The following LINGO2 variants were observed in gnomAD, a reference collection of about 807,000 sequenced individuals.
LINGO2 encodes leucine rich repeat and Ig domain containing 2, also known as leucine-rich repeat and immunoglobulin-like domain-containing nogo receptor-interacting protein 2.
Under a neutral mutation model 30.6 loss-of-function variants are expected in LINGO2, and 14 were observed. The ratio of observed to expected loss-of-function variants is 0.46; its 90% confidence interval spans 0.30 to 0.72. The LOEUF (loss-of-function observed/expected upper bound fraction) is 0.72. Ranked by LOEUF, LINGO2 falls within the 30% of genes least tolerant of loss-of-function variation. The pLI is 0.07. For synonymous variants in LINGO2, 317 were observed against 288.5 expected (o/e 1.10, Z -1.00); for missense variants, 729 against 751.7 (o/e 0.97, Z 0.35).
At chr9:28,441,251 CTTTTTTTTTTTTTTTTTTTTTT>C (rs72213590) in intron 2 of LINGO2, among the ~76,000 whole-genome samples, 76 of 36,288 alleles carry the variant, frequency 2.1e-3, no homozygotes, top group East Asian at 0.014. Flanking sequence ...TCATTGGAGG[CTTTTTTTTTTTTTTTTTTTTTT>C]TTTTTTTTTT....
At position 28,167,144 on chromosome 9, in the gene LINGO2, C is replaced by A. The variant is rs1024743755; in HGVS notation, c.-87+128064G>T. On this transcript the variant is annotated intron_variant, in intron 4 of 5. Coordinates refer to ENST00000379992, the Ensembl canonical transcript of LINGO2. ...GAGCTTTTACTTAATATAGCACCCC[C>A]CCCCCCCACTTTTCTTTTCTCCAGC... 1.3e-4 allele frequency among the ~76,000 whole-genome samples: 18 copies of A among 140,464 alleles called. 1 individual carries two copies. Among genetic ancestry groups the A allele is most frequent in the Middle Eastern group, 3.8e-3 (1 of 266 alleles). 92.1% of individuals were successfully genotyped at this position (140,464 alleles called of 152,430 possible).
At position 28,154,819 on chromosome 9, in the gene LINGO2, A is replaced by G. The variant is rs997656267; in HGVS notation, c.-87+140389T>C. Reference sequence around the variant, plus strand: ...ACAATGTCAGGTTAGAATGAGATACAGTTTTTCTTGAATGAAGACATCTTT... The same window carrying G: ...ACAATGTCAGGTTAGAATGAGATACGGTTTTTCTTGAATGAAGACATCTTT... On this transcript the variant is annotated intron_variant, in intron 4 of 5. Transcript: ENST00000379992. Among the ~76,000 whole-genome samples, 7 of 152,204 alleles carry G rather than the reference A, an allele frequency of 4.6e-5. No individual in the cohort carries two copies. The South Asian group carries it at 1.5e-3, about 32-fold the overall frequency.
At chr9:28,940,313 A>G in the LINGO2 span, among the ~76,000 whole-genome samples, 3 of 152,146 alleles carry the variant, frequency 2.0e-5, no homozygotes, top group African/African-American at 7.2e-5. Flanking sequence ...AAAAATGCCT[A>G]CTTGTGCTCC....
rs73445529 is a variant in LINGO2, at chr9:28,645,355, A to G, written c.-365+24845T>C. ...GTCATCATTTAATTTAGAATAAAGA[A>G]AATGTTATGAAGTGCCTTTATCCTG... is the stretch of plus-strand genomic sequence containing the variant. On this transcript the variant is annotated intron_variant, in intron 1 of 5. Coordinates refer to ENST00000379992, the Ensembl canonical transcript of LINGO2. Among the ~76,000 whole-genome samples, 479 of 152,252 alleles carry G rather than the reference A, an allele frequency of 3.1e-3. 4 individuals carry two copies. Among genetic ancestry groups the G allele is most frequent in the African/African-American group, 0.011 (447 of 41,554 alleles).
the LINGO2 span, among the ~76,000 whole-genome samples, chr9:28,839,754 C>T: frequency 5.3e-5 from 8 of 152,256 alleles, no homozygotes; most frequent in Non-Finnish European, 7.4e-5. Context: ...CGTGGCAGTC[C>T]GCCCCCAAGG....
chr9:28,423,210 TA>T (rs1449641638), intron 2 of LINGO2, among the ~76,000 whole-genome samples: 1 of 151,954 alleles, frequency 6.6e-6, no homozygotes, highest in African/African-American at 2.4e-5. Flanking sequence ...CACAATTTTT[TA>T]AAAAGTTTCC....
the LINGO2 span, among the ~76,000 whole-genome samples, chr9:28,895,434 C>G: frequency 6.6e-6 from 1 of 152,108 alleles, no homozygotes; most frequent in Non-Finnish European, 1.5e-5. Context: ...AAAAGTACTT[C>G]TTGAGGGACA....
chr9:28,788,032 C>A, the LINGO2 span, among the ~76,000 whole-genome samples: 1 of 152,036 alleles, frequency 6.6e-6, no homozygotes, highest in Non-Finnish European at 1.5e-5. Context: ...TATTTCTAGA[C>A]CTGATGAACT....
At chr9:28,281,168 T>C (rs77611615) in intron 4 of LINGO2, among the ~76,000 whole-genome samples, 6,497 of 152,160 alleles carry the variant, frequency 0.043, 432 homozygotes, top group African/African-American at 0.15. Context: ...GGGTGAAATG[T>C]GTAGACCCCT....
At chr9:28,341,598 AT>A (rs1478188267) in intron 3 of LINGO2, among the ~76,000 whole-genome samples, 4 of 152,286 alleles carry the variant, frequency 2.6e-5, no homozygotes, top group African/African-American at 9.6e-5. Flanking sequence ...AGTATTTGCC[AT>A]TTTCTCAAAA....
the LINGO2 span, among the ~76,000 whole-genome samples, chr9:28,916,590 C>T: frequency 6.6e-6 from 1 of 152,176 alleles, no homozygotes; most frequent in Non-Finnish European, 1.5e-5. Context: ...ACCCCCATCC[C>T]TACACAATTG....
At chr9:27,954,834 C>G (rs1269442654) in intron 5 of LINGO2, among the ~76,000 whole-genome samples, 2 of 152,138 alleles carry the variant, frequency 1.3e-5, no homozygotes, top group African/African-American at 4.8e-5. Context: ...ATACTGTTTA[C>G]CATAGTGGCT....
chr9:28,191,498 C>T (rs1819822025), intron 4 of LINGO2, among the ~76,000 whole-genome samples: 1 of 152,140 alleles, frequency 6.6e-6, no homozygotes, highest in Non-Finnish European at 1.5e-5. Context: ...AATCACTTGG[C>T]TCATTTATCT....
At chr9:28,727,289 CT>C in the LINGO2 span, among the ~76,000 whole-genome samples, 1,135 of 145,718 alleles carry the variant, frequency 7.8e-3, 17 homozygotes, top group African/African-American at 0.026. Context: ...AAAAATCCTT[CT>C]TTTTTTTTTT....
At position 28,294,765 on chromosome 9, in the gene LINGO2, G is replaced by C. The variant is rs561236451; in HGVS notation, c.-87+443C>G. ...TCAAAGAAATAAAAGAAGAACAATGGTATAATCTTCTGAATTGGAGTAACC... is the reference window on the plus strand; with the variant it reads ...TCAAAGAAATAAAAGAAGAACAATGCTATAATCTTCTGAATTGGAGTAACC... On this transcript the variant is annotated intron_variant, in intron 4 of 5. Transcript: ENST00000379992. 1.5e-3 allele frequency among the ~76,000 whole-genome samples: 229 copies of C among 152,228 alleles called. 2 individuals carry two copies. Among genetic ancestry groups the C allele is most frequent in the African/African-American group, 5.4e-3 (223 of 41,556 alleles).
At chr9:28,848,793 T>C in the LINGO2 span, among the ~76,000 whole-genome samples, 1 of 151,756 alleles carries the variant, frequency 6.6e-6, no homozygotes, top group African/African-American at 2.4e-5. Flanking sequence ...CCATCCTGAG[T>C]TTTATTTTAA....
At chr9:28,405,004 C>T (rs189018973) in intron 2 of LINGO2, among the ~76,000 whole-genome samples, 5 of 151,558 alleles carry the variant, frequency 3.3e-5, no homozygotes, top group East Asian at 3.9e-4. Flanking sequence ...AGCAAGCCAG[C>T]GGAAATTTAA....
the LINGO2 span, among the ~76,000 whole-genome samples, chr9:29,003,663 T>C: frequency 1.3e-5 from 2 of 151,962 alleles, no homozygotes; most frequent in African/African-American, 4.8e-5. Flanking sequence ...TGGAATACTA[T>C]ACGGTCTTAA....
At chr9:28,506,509 T>TGTATAG (rs1820142817) in intron 1 of LINGO2, among the ~76,000 whole-genome samples, 2 of 127,486 alleles carry the variant, frequency 1.6e-5, no homozygotes, top group Admixed American at 8.7e-5. Context: ...CACAGACATA[T>TGTATAG]ATATATATAT....
Sources: gnomAD v4.1 joint callset for allele counts (sites outside exome capture counted in the v4.1 genomes callset) on GRCh38, gnomAD v4.1.1 for gene constraint, MANE v1.5 for transcripts, NCBI Gene and HGNC (gene_info 2026-07-23, HGNC 2026-07-21) for gene names.